Variants in ANKS1B observed in about 807,000 individuals in gnomAD.
ANKS1B encodes ankyrin repeat and sterile alpha motif domain-containing protein 1B.
Under a neutral mutation model 148.3 loss-of-function variants are expected in ANKS1B, and 36 were observed. The observed-to-expected ratio is 0.24, with a 90% CI of 0.19 to 0.32. ANKS1B has a LOEUF of 0.32. ANKS1B is among the 10% of genes least tolerant of loss of function. ANKS1B has a pLI of 1.00. For missense variants in ANKS1B, 1,157 were observed against 1,542.6 expected, an observed-to-expected ratio of 0.75 and a Z score of 4.19; for synonymous variants, 542 against 560.8, an observed-to-expected ratio of 0.97 and a Z score of 0.47.
intron 9 of ANKS1B, among the ~76,000 whole-genome samples, chr12:99,651,378 T>TGTTTTTCATGTGGTAC (rs1398210278): frequency 6.6e-6 from 1 of 152,184 alleles, no homozygotes; most frequent in East Asian, 1.9e-4. Context: ...AAACAATTTT[T>TGTTTTTCATGTGGTAC]GTTTTTCATG....
At chr12:99,625,078 T>G (rs2098097528) in intron 9 of ANKS1B, among the ~76,000 whole-genome samples, 1 of 152,040 alleles carries the variant, frequency 6.6e-6, no homozygotes, top group African/African-American at 2.4e-5. Context: ...AAAAAAAGAA[T>G]AAAATCATGT....
intron 12 of ANKS1B, among the ~76,000 whole-genome samples, chr12:99,319,796 T>A (rs1207294915): frequency 6.6e-6 from 1 of 152,224 alleles, no homozygotes; most frequent in African/African-American, 2.4e-5. Flanking sequence ...TCGATGGTCT[T>A]TACAATTTGG....
chr12:99,320,123 TA>T (rs1348117399), intron 12 of ANKS1B, among the ~76,000 whole-genome samples: 1 of 152,192 alleles, frequency 6.6e-6, no homozygotes, highest in Admixed American at 6.6e-5. Flanking sequence ...CTGCCCTTAA[TA>T]TTTTTTCCTT....
chr12:99,964,028 T>C (rs552741512), intron 1 of ANKS1B, among the ~76,000 whole-genome samples: 49 of 152,308 alleles, frequency 3.2e-4, no homozygotes, highest in Non-Finnish European at 5.6e-4. Flanking sequence ...CTGATAATTA[T>C]GATAAAGAAA....
At chr12:98,782,254 A>ATT in intron 22 of ANKS1B, 117 bp from the exon 23 acceptor site, 2 of 858,526 alleles carry the variant, frequency 2.3e-6, no homozygotes, top group Non-Finnish European at 1.9e-6. Flanking sequence ...ATTAAAAAAC[A>ATT]AAAGATGCCA....
chr12:99,355,075 T>C (rs1394018245), intron 12 of ANKS1B, among the ~76,000 whole-genome samples: 1 of 152,160 alleles, frequency 6.6e-6, no homozygotes, highest in Non-Finnish European at 1.5e-5. Context: ...GGCAATATAA[T>C]ATGCCAAATG....
At chr12:99,214,927 G>C (rs529789364) in intron 14 of ANKS1B, among the ~76,000 whole-genome samples, 27 of 152,328 alleles carry the variant, frequency 1.8e-4, no homozygotes, top group Middle Eastern at 3.4e-3. Context: ...CTATGCTTTA[G>C]CAAAGAGACT....
At chr12:99,649,533 G>A in intron 9 of ANKS1B, 1 of 663,406 alleles carries the variant, frequency 1.5e-6, no homozygotes, top group South Asian at 1.9e-5. Flanking sequence ...CAGGTACCAT[G>A]GATGTGGCTG....
At chr12:99,360,096 G>A (rs187114799) in intron 12 of ANKS1B, among the ~76,000 whole-genome samples, 2 of 152,182 alleles carry the variant, frequency 1.3e-5, no homozygotes, top group East Asian at 3.9e-4. Context: ...TGGAATTTTT[G>A]CTCTTTTTCA....
chr12:99,060,418 C>T (rs915399852), intron 16 of ANKS1B, among the ~76,000 whole-genome samples: 1 of 151,874 alleles, frequency 6.6e-6, no homozygotes, highest in Non-Finnish European at 1.5e-5. Context: ...ACTGCTTGAT[C>T]GACTTCAACC....
At chr12:99,448,239 T>C (rs2095667928) in intron 10 of ANKS1B, among the ~76,000 whole-genome samples, 1 of 152,062 alleles carries the variant, frequency 6.6e-6, no homozygotes. Context: ...GAAAATGTAA[T>C]ATATACATAC....
intron 1 of ANKS1B, among the ~76,000 whole-genome samples, chr12:99,879,342 C>T (rs2092338669): frequency 6.6e-6 from 1 of 152,216 alleles, no homozygotes; most frequent in Non-Finnish European, 1.5e-5. Flanking sequence ...CCCCTCACTC[C>T]TATCCTCCCT....
At chr12:99,238,978 C>T (rs1392397129) in intron 14 of ANKS1B, among the ~76,000 whole-genome samples, 1 of 152,174 alleles carries the variant, frequency 6.6e-6, no homozygotes, top group Non-Finnish European at 1.5e-5. Flanking sequence ...TGCAGAAAAG[C>T]TGAAAATTCC....
chr12:99,615,176 C>A (rs1287280514), intron 9 of ANKS1B, among the ~76,000 whole-genome samples: 4 of 91,196 alleles, frequency 4.4e-5, no homozygotes, highest in African/African-American at 1.4e-4. Context: ...ATAGATTACA[C>A]AGACAGACAG....
chr12:99,621,346 T>C (rs1567497397), intron 9 of ANKS1B, among the ~76,000 whole-genome samples: 1 of 150,760 alleles, frequency 6.6e-6, no homozygotes, highest in African/African-American at 2.4e-5. Context: ...CAATAGAAAC[T>C]ACAAAGCAAC....
At chr12:99,315,874 A>G (rs1334266632) in intron 12 of ANKS1B, among the ~76,000 whole-genome samples, 1 of 151,936 alleles carries the variant, frequency 6.6e-6, no homozygotes, top group Non-Finnish European at 1.5e-5. Flanking sequence ...TCTGTGTCCA[A>G]GTGTTCTCAT....
At chr12:99,841,531 T>C (rs1022589240) in intron 1 of ANKS1B, among the ~76,000 whole-genome samples, 1 of 152,056 alleles carries the variant, frequency 6.6e-6, no homozygotes, top group African/African-American at 2.4e-5. Context: ...GTTTGGGGCC[T>C]TTTTTCTAGT....
intron 8 of ANKS1B, among the ~76,000 whole-genome samples, chr12:99,711,221 C>T (rs2099490630): frequency 2.6e-5 from 4 of 152,136 alleles, no homozygotes; most frequent in Admixed American, 2.6e-4. Context: ...ACCTTATAAA[C>T]TGGAATGCAC....
intron 12 of ANKS1B, among the ~76,000 whole-genome samples, chr12:99,254,551 T>TA (rs2075034820): frequency 6.6e-6 from 1 of 152,162 alleles, no homozygotes; most frequent in Non-Finnish European, 1.5e-5. Context: ...AGTGAGGATG[T>TA]AAATGGCCAC....
Sources: gnomAD v4.1 joint callset for allele counts (sites outside exome capture counted in the v4.1 genomes callset) on GRCh38, gnomAD v4.1.1 for gene constraint, MANE v1.5 for transcripts, NCBI Gene and HGNC (gene_info 2026-07-23, HGNC 2026-07-21) for gene names.